Variants in TTC4 observed in about 807,000 individuals in gnomAD.
The protein encoded by TTC4 is tetratricopeptide repeat domain 4, also known as hsp70/Hsp90 co-chaperone CNS1 homolog.
Under a neutral mutation model 51.9 loss-of-function variants are expected in TTC4, and 36 were observed. That is an observed-to-expected ratio of 0.69 (90% CI 0.53 to 0.92). The LOEUF (loss-of-function observed/expected upper bound fraction) is 0.92. TTC4 is among the 40% of genes least tolerant of loss of function. The probability of loss-of-function intolerance (pLI) is 0.00; values close to 1 mark genes in which losing one functional copy is unlikely to be tolerated. For missense variants in TTC4, 399 were observed against 454.6 expected, an observed-to-expected ratio of 0.88 and a Z score of 1.11; for synonymous variants, 144 against 164.2, an observed-to-expected ratio of 0.88 and a Z score of 0.94.
In TTC4 at chr1:54,732,711, C is replaced by T. The variant is rs561345175; in HGVS notation, c.897-918C>T. On this transcript the variant is annotated intron_variant, in intron 7 of 9. Coordinates refer to ENST00000371281, the MANE Select transcript of TTC4 (RefSeq NM_004623.5). The stretch of plus-strand genomic sequence containing the variant: ...CTGGGCTCGAATGTTCCTCCCACCT[C>T]GGCCTCCCAAAGTGCTGGGATTTAC... Among the ~76,000 whole-genome samples, 8 of 151,982 alleles carry T rather than the reference C, an allele frequency of 5.3e-5. 1 individual carries two copies. In the South Asian group the frequency reaches 1.0e-3, roughly 20 times the overall value.
At chr1:54,729,811 C>T (rs979295111) in intron 6 of TTC4, among the ~76,000 whole-genome samples, 1 of 151,830 alleles carries the variant, frequency 6.6e-6, no homozygotes, top group Non-Finnish European at 1.5e-5. Context: ...GCAGCCTCCA[C>T]TTCCTGGGTT....
rs183198787 is a variant in TTC4 at position 54,724,107 on chromosome 1, A to C, written c.594+1308A>C. On this transcript the variant is annotated intron_variant, in intron 5 of 9. Coordinates refer to ENST00000371281, the MANE Select transcript of TTC4 (RefSeq NM_004623.5). ...CCTGATATTAGGTCTAGGTGACATT[A>C]CTTGCTGAATAGCTGAAGTATTCCC... is the stretch of plus-strand genomic sequence containing the variant. 7.9e-5 allele frequency among the ~76,000 whole-genome samples: 12 copies of C among 152,334 alleles called. No homozygotes were observed. The East Asian group carries it at 2.3e-3, about 29-fold the overall frequency.
At chr1:54,725,804 T>C (rs1383246501) in intron 5 of TTC4, among the ~76,000 whole-genome samples, 2 of 152,200 alleles carry the variant, frequency 1.3e-5, no homozygotes, top group Non-Finnish European at 2.9e-5. Flanking sequence ...TAACAGAAGT[T>C]CTGTAGTTGA....
At chr1:54,737,425 G>T (rs1007286566) in intron 8 of TTC4, 157 bp from the exon 9 acceptor site, 2 of 593,118 alleles carry the variant, frequency 3.4e-6, no homozygotes, top group Non-Finnish European at 3.0e-6. Flanking sequence ...TGGCATGGCG[G>T]GGGGGTACTA....
chr1:54,736,223 A>G lies in TTC4; in HGVS notation c.979-1359A>G, dbSNP rs914125864. ...GAGAGAGAGAGAGAGAGAGAGAGAG[A>G]AGAGGAGAGGAGAGAGAAGAGAGGA... On this transcript the variant is annotated intron_variant, in intron 8 of 9. Transcript: ENST00000371281. 5.7e-5 allele frequency among the ~76,000 whole-genome samples: 5 copies of G among 87,786 alleles called. 1 individual carries two copies. The highest frequency in any genetic ancestry group is 1.7e-4 in the African/African-American group (3 of 17,880). 57.6% of individuals were successfully genotyped at this position (87,786 alleles called of 152,430 possible).
At position 54,716,018 on chromosome 1, in the gene TTC4, AGGT is replaced by A; in HGVS notation, c.111+2_111+4del. ...GGCTTTCATGAGGACCAGTGGGAGA[AGGT>A]GGGCGGTCCTGGGGTCTCCCCACGT... On this transcript the variant is annotated splice_donor_variant and coding_sequence_variant, in exon 1 of 10. Coordinates refer to ENST00000371281, the MANE Select transcript of TTC4 (RefSeq NM_004623.5). LOFTEE classifies it high-confidence loss of function. 1 of 1,580,798 alleles carries A rather than the reference AGGT, an allele frequency of 6.3e-7. No individual in the cohort carries two copies. The highest frequency in any genetic ancestry group is 8.6e-7 in the Non-Finnish European group (1 of 1,164,024).
chr1:54,716,460 A>C, intron 1 of TTC4, 140 bp from the exon 2 acceptor site: 1 of 657,832 alleles, frequency 1.5e-6, no homozygotes, highest in East Asian at 2.6e-5. Flanking sequence ...TACAGAAGGG[A>C]AGCGGAGGCC....
At chr1:54,728,284 G>T in intron 5 of TTC4, 62 bp from the exon 6 acceptor site, 1 of 1,458,694 alleles carries the variant, frequency 6.9e-7, no homozygotes, top group Non-Finnish European at 9.5e-7. Context: ...TTAGGAGCAG[G>T]CTAGTGCAAT....
chr1:54,723,931 A>C (rs561955106), intron 5 of TTC4, among the ~76,000 whole-genome samples: 32 of 152,330 alleles, frequency 2.1e-4, no homozygotes, highest in Admixed American at 1.3e-3. Flanking sequence ...GAAAAGGTAG[A>C]TCTCTATGGA....
chr1:54,733,426 A>AT (rs1557750929), intron 7 of TTC4, among the ~76,000 whole-genome samples: 5 of 135,360 alleles, frequency 3.7e-5, no homozygotes, highest in East Asian at 2.8e-4. Context: ...CTCAAAAAAA[A>AT]AAAATAAAAT....
In TTC4 at chr1:54,731,641, CT is replaced by C; in HGVS notation, c.840del (p.Leu281CysfsTer24). 2 of 1,614,108 alleles carry C rather than the reference CT, an allele frequency of 1.2e-6. No homozygotes were observed. Among genetic ancestry groups the C allele is most frequent in the Non-Finnish European group, 1.7e-6 (2 of 1,180,022 alleles). On this transcript the variant is annotated frameshift_variant, in exon 7 of 10. Transcript: ENST00000371281. LOFTEE classifies it high-confidence loss of function. ...AGGGCAGGCTGAGCTGGCCTGTGCT[CT>C]TTCTGTACCCAGAGTATGCCCAGTC... ...GQGRLSWPVLFLYPEYAQSDF... is the reference protein window; with the variant it reads ...GQGRLSWPVLXLYPEYAQSDF...
In TTC4 at chr1:54,716,663, C is replaced by A. The variant is rs768873823; in HGVS notation, c.175C>A (p.Pro59Thr). The A allele has an allele frequency of 6.2e-7, 1 of 1,613,690 alleles. No homozygotes were observed. The highest frequency in any genetic ancestry group is 1.3e-5 in the African/African-American group (1 of 74,908). Residue 59 changes from proline (P) to threonine (T), a missense_variant, in exon 2 of 10, where the codon CCT (proline) becomes ACT (threonine). Pro to Thr is a conservative substitution (Grantham distance 38, BLOSUM62 -1). Around this residue, in one of 3 missense-constraint regions of TTC4, gnomAD observed 316 missense variants for 349.6 expected, o/e 0.90. Coordinates refer to ENST00000371281, the MANE Select transcript of TTC4 (RefSeq NM_004623.5). ...ATCAGAAATTGATCCCAGGGAGAAT[C>A]CTGACTTGGCTTGTCTCCAGTCAAT... is the stretch of plus-strand genomic sequence containing the variant. ...APSEIDPREN[P>T]DLACLQSIIF...
chr1:54,738,198 G>A (rs187348884), intron 9 of TTC4, among the ~76,000 whole-genome samples: 95 of 152,274 alleles, frequency 6.2e-4, no homozygotes, highest in Non-Finnish European at 1.1e-3. Flanking sequence ...ACCACTCCCG[G>A]TCAAAAACTC....
intron 9 of TTC4, among the ~76,000 whole-genome samples, chr1:54,739,465 G>C (rs1322979250): frequency 6.6e-6 from 1 of 152,194 alleles, no homozygotes; most frequent in Admixed American, 6.5e-5. Flanking sequence ...TCAAGTATTT[G>C]AGAGCCAATG....
chr1:54,719,390 A>G (rs549224935), intron 3 of TTC4, among the ~76,000 whole-genome samples: 1 of 148,932 alleles, frequency 6.7e-6, no homozygotes, highest in South Asian at 2.6e-4. Context: ...CTGATACATC[A>G]GTTACTTGTT....
At position 54,734,765 on chromosome 1, in the gene TTC4, T is replaced by C. The variant is rs947989431; in HGVS notation, c.978+1055T>C. ...TTAAATAAAAAATCACAATATCCAGTATAAAGAATTACCTTTTTCTAACAT... is the reference window on the plus strand; with the variant it reads ...TTAAATAAAAAATCACAATATCCAGCATAAAGAATTACCTTTTTCTAACAT... On this transcript the variant is annotated intron_variant, in intron 8 of 9. Transcript: ENST00000371281. Among the ~76,000 whole-genome samples the C allele has an allele frequency of 2.7e-4, 41 of 152,218 alleles. 2 individuals are homozygous for C. Among genetic ancestry groups the C allele is most frequent in the Non-Finnish European group, 4.4e-5 (3 of 68,040 alleles).
At chr1:54,716,548 A>G (rs1557739983) in intron 1 of TTC4, 52 bp from the exon 2 acceptor site, 12 of 1,424,306 alleles carry the variant, frequency 8.4e-6, no homozygotes, top group Non-Finnish European at 1.2e-5. Flanking sequence ...ATGGAATTGG[A>G]TCTGCTCAGT....
chr1:54,716,553 C>T, intron 1 of TTC4, 47 bp from the exon 2 acceptor site: 1 of 1,466,476 alleles, frequency 6.8e-7, no homozygotes. Flanking sequence ...ATTGGATCTG[C>T]TCAGTAGAAA....
chr1:54,741,587 A>G lies in TTC4; in HGVS notation c.*74A>G. 7 of 1,222,014 alleles carry G rather than the reference A, an allele frequency of 5.7e-6. No individual in the cohort carries two copies. In the South Asian group the frequency reaches 8.4e-5, roughly 15 times the overall value. The allele number at this position is 1,222,014 out of a possible 1,614,324, so 75.7% of individuals were successfully genotyped here. A position where few individuals can be genotyped will look rare whatever the true frequency, so the allele number is the denominator to read the frequency against. On this transcript the variant is annotated 3_prime_UTR_variant, in exon 10 of 10. Transcript: ENST00000371281. ...CCTAGCACACCTGAATCAGCTGGAC[A>G]TACTGCTGGAGTCCAGTGCTTTCTT... is the stretch of plus-strand genomic sequence containing the variant.
Sources: allele counts gnomAD v4.1 joint callset (sites outside exome capture counted in the v4.1 genomes callset), GRCh38; gene constraint gnomAD v4.1.1; regional missense constraint gnomAD v4.1.1; transcripts MANE v1.5; gene names NCBI Gene and HGNC (gene_info 2026-07-23, HGNC 2026-07-21).